The following CCDC15 variants were observed in gnomAD, a reference collection of about 807,000 sequenced individuals.
The protein encoded by CCDC15 is coiled-coil domain-containing protein 15.
A neutral mutation model predicts 114.5 loss-of-function variants in CCDC15; 105 were observed. The ratio of observed to expected loss-of-function variants is 0.92; its 90% CI spans 0.78 to 1.08. CCDC15 has a LOEUF of 1.08. CCDC15 is among the 50% of genes least tolerant of loss of function. The probability of loss-of-function intolerance (pLI) is 0.00; values close to 1 mark genes in which losing one functional copy is unlikely to be tolerated. For missense variants in CCDC15, 1,105 were observed against 1,093.6 expected (o/e 1.01, Z -0.15); for synonymous variants, 334 against 377.8 (o/e 0.88, Z 1.34).
chr11:125,013,770 ATTT>A, intron 13 of CCDC15, among the ~76,000 whole-genome samples: 1 of 152,308 alleles, frequency 6.6e-6, no homozygotes. Flanking sequence ...GGGAGGTCTG[ATTT>A]ATATGCATGT....
At chr11:125,023,232 G>C (rs533754409) in intron 13 of CCDC15, among the ~76,000 whole-genome samples, 1 of 151,908 alleles carries the variant, frequency 6.6e-6, no homozygotes, top group African/African-American at 2.4e-5. Context: ...TGTTGAAGAG[G>C]CTATATTTTC....
chr11:124,986,700 T>G, intron 6 of CCDC15, 42 bp from the exon 7 acceptor site: 1 of 1,351,588 alleles, frequency 7.4e-7, no homozygotes. Context: ...TTTGTGTGTG[T>G]GCGCGCGCGC....
chr11:125,004,974 AC>A lies in CCDC15; in HGVS notation c.2308-134del. The A allele has an allele frequency of 1.0e-5, 5 of 494,158 alleles. No homozygotes were observed. In the South Asian group the frequency reaches 2.0e-4, roughly 20 times the overall value. The allele number at this position is 494,158 out of a possible 1,614,324, so 30.6% of individuals were successfully genotyped here. On this transcript the variant is annotated intron_variant, in intron 12 of 15. Coordinates refer to ENST00000344762, the MANE Select transcript of CCDC15 (RefSeq NM_025004.3). ...GACCATAGACAGAAGGAAATTAAAGACTTAATCATGTAACTTCTATATCATC... is the reference window on the plus strand; with the variant it reads ...GACCATAGACAGAAGGAAATTAAAGATTAATCATGTAACTTCTATATCATC...
At chr11:125,033,949 G>A (rs140928367) in intron 13 of CCDC15, among the ~76,000 whole-genome samples, 2,359 of 152,268 alleles carry the variant, frequency 0.015, 25 homozygotes, top group Non-Finnish European at 0.024. Flanking sequence ...CTTTTTGAGT[G>A]TAGCACATCT....
intron 11 of CCDC15, among the ~76,000 whole-genome samples, chr11:125,001,920 C>T (rs1433450725): frequency 6.6e-6 from 1 of 151,982 alleles, no homozygotes; most frequent in African/African-American, 2.4e-5. Flanking sequence ...TATTATACCT[C>T]ATAGTGGAAT....
chr11:125,003,939 A>G lies in CCDC15; in HGVS notation c.2287A>G (p.Lys763Glu), dbSNP rs2135515249. 3 of 1,542,180 alleles carry G rather than the reference A, an allele frequency of 1.9e-6. No homozygotes were observed. Among genetic ancestry groups the G allele is most frequent in the Non-Finnish European group, 2.6e-6 (3 of 1,150,086 alleles). The change falls in exon 12 of 16, where the codon AAA becomes GAA. Residue 763 changes from lysine to glutamate, a missense_variant. Coordinates refer to ENST00000344762, the MANE Select transcript of CCDC15 (RefSeq NM_025004.3). ...ACTGGCATTTCAGTCTGACGTGGAT[A>G]AAGAAGAAGATAAGAAAGAGGTATG... Reference protein sequence around the residue: ...APLAFQSDVDKEEDKKERQKQ... With the variant: ...APLAFQSDVDEEEDKKERQKQ...
intron 13 of CCDC15, among the ~76,000 whole-genome samples, chr11:125,008,947 G>A (rs1348399125): frequency 5.3e-5 from 8 of 152,124 alleles, no homozygotes; most frequent in East Asian, 1.9e-4. Flanking sequence ...AGCTGGGCGC[G>A]GTGGCTCACG....
chr11:125,006,431 A>G (rs1948552370), intron 13 of CCDC15, among the ~76,000 whole-genome samples: 1 of 152,136 alleles, frequency 6.6e-6, no homozygotes, highest in South Asian at 2.1e-4. Context: ...ATTTTGAATA[A>G]CAGTTCTTTA....
intron 13 of CCDC15, among the ~76,000 whole-genome samples, chr11:125,032,531 G>A (rs1217231951): frequency 2.0e-5 from 3 of 152,210 alleles, no homozygotes; most frequent in Non-Finnish European, 4.4e-5. Flanking sequence ...GAATGAGGAT[G>A]TGGTGGGAAT....
intron 8 of CCDC15, among the ~76,000 whole-genome samples, chr11:124,990,839 A>G (rs1948256254): frequency 6.6e-6 from 1 of 152,346 alleles, no homozygotes; most frequent in South Asian, 2.1e-4. Context: ...ACTCAGCAGT[A>G]TCTTTCACAC....
At chr11:125,028,102 A>G (rs1041449063) in intron 13 of CCDC15, among the ~76,000 whole-genome samples, 2 of 152,106 alleles carry the variant, frequency 1.3e-5, no homozygotes, top group Middle Eastern at 3.4e-3. Context: ...ATGTGCCTGT[A>G]CTATGTATGT....
At chr11:125,038,872 A>G (rs1948795378) in intron 14 of CCDC15, 49 bp from the exon 15 acceptor site, 4 of 1,565,706 alleles carry the variant, frequency 2.6e-6, no homozygotes, top group Non-Finnish European at 3.5e-6. Flanking sequence ...ATTCATACTC[A>G]CTTTCTTTTT....
intron 11 of CCDC15, among the ~76,000 whole-genome samples, chr11:124,994,491 T>C (rs982409795): frequency 6.6e-6 from 1 of 152,172 alleles, no homozygotes; most frequent in African/African-American, 2.4e-5. Context: ...TTTGAAAAAC[T>C]ATATTTTAGA....
chr11:125,016,549 G>C (rs1283463944), intron 13 of CCDC15, among the ~76,000 whole-genome samples: 3 of 152,130 alleles, frequency 2.0e-5, no homozygotes, highest in Admixed American at 2.0e-4. Context: ...AGCTCAGGAA[G>C]TTCACTGTCT....
chr11:125,022,997 AT>A (rs1423555193), intron 13 of CCDC15, among the ~76,000 whole-genome samples: 1 of 151,942 alleles, frequency 6.6e-6, no homozygotes, highest in Non-Finnish European at 1.5e-5. Flanking sequence ...AACTGTACAT[AT>A]TTAAAGGATT....
At chr11:124,962,945 C>T (rs1038954829) in intron 4 of CCDC15, among the ~76,000 whole-genome samples, 1 of 152,122 alleles carries the variant, frequency 6.6e-6, no homozygotes, top group African/African-American at 2.4e-5. Context: ...TTATGGTTTC[C>T]AGCTTCATCC....
chr11:124,954,934 T>C lies in CCDC15; in HGVS notation c.177+25T>C, dbSNP rs551715778. On this transcript the variant is annotated intron_variant, in intron 2 of 15. Coordinates refer to ENST00000344762, the MANE Select transcript of CCDC15 (RefSeq NM_025004.3). ...TGTGAGTGTCAGTTTGATCCAAATA[T>C]GGTGGGGTTCCCCACCACCCTTTTT... 9 of 1,610,216 alleles carry C rather than the reference T, an allele frequency of 5.6e-6. No homozygotes were observed. The African/African-American group carries it at 1.1e-4, about 19-fold the overall frequency.
At chr11:124,967,370 TTTCATTAATTTGATC>T (rs1318347134) in intron 4 of CCDC15, among the ~76,000 whole-genome samples, 1 of 152,172 alleles carries the variant, frequency 6.6e-6, no homozygotes, top group East Asian at 1.9e-4. Flanking sequence ...TCTCACTTCA[TTTCATTAATTTGATC>T]TTCAGTCACT....
At chr11:124,982,619 A>G (rs916542647) in intron 6 of CCDC15, among the ~76,000 whole-genome samples, 5 of 152,130 alleles carry the variant, frequency 3.3e-5, no homozygotes, top group Admixed American at 6.5e-5. Context: ...TAGGCCCCCA[A>G]TCTCTTCCAG....
Sources: allele counts gnomAD v4.1 joint callset (sites outside exome capture counted in the v4.1 genomes callset), GRCh38; gene constraint gnomAD v4.1.1; transcripts MANE v1.5; gene names NCBI Gene and HGNC (gene_info 2026-07-23, HGNC 2026-07-21).